The following DAB1 variants were observed in gnomAD, a reference collection of about 807,000 sequenced individuals.
DAB1 encodes the protein DAB adaptor protein 1, also known as disabled homolog 1.
In DAB1, 15 loss-of-function variants were observed where a neutral mutation model predicts 64.6. The ratio of observed to expected loss-of-function variants is 0.23; its 90% CI spans 0.16 to 0.36. DAB1 has a LOEUF of 0.36. DAB1 is among the 10% of genes least tolerant of loss of function. DAB1 has a pLI of 1.00. For synonymous variants in DAB1, 235 were observed against 251.9 expected (o/e 0.93, Z 0.64); for missense variants, 596 against 706.7 (o/e 0.84, Z 1.78).
At chr1:57,998,951 C>A (rs149631806) in intron 5 of DAB1, among the ~76,000 whole-genome samples, 2 of 152,274 alleles carry the variant, frequency 1.3e-5, no homozygotes, top group African/African-American at 4.8e-5. Context: ...CATTTATCTT[C>A]CTGCAGGGAA....
chr1:57,595,191 TTTTTTAGAATTATTTAGAATAATTA>T lies in DAB1; in HGVS notation n.625+54376_625+54400del, dbSNP rs556527233. The stretch of plus-strand genomic sequence containing the variant: ...ACCCACTTCCATTAATTATTTTAGA[TTTTTTAGAATTATTTAGAATAATTA>T]TTTAGATTCTAAAATTTTTTTTAGA... On this transcript the variant is annotated intron_variant and non_coding_transcript_variant, in intron 7 of 20. Coordinates refer to the DAB1 transcript ENST00000485760. Among the ~76,000 whole-genome samples, 1,055 of 152,094 alleles carry T rather than the reference TTTTTTAGAATTATTTAGAATAATTA, an allele frequency of 6.9e-3. 11 individuals are homozygous for T. The highest frequency in any genetic ancestry group is 0.024 in the African/African-American group (1,013 of 41,542).
At chr1:58,135,279 TG>T (rs1335935445) in intron 5 of DAB1, among the ~76,000 whole-genome samples, 1 of 152,118 alleles carries the variant, frequency 6.6e-6, no homozygotes, top group Non-Finnish European at 1.5e-5. Flanking sequence ...AGCCTCCTTC[TG>T]AGAGGTGTCT....
chr1:58,421,174 C>A (rs1021562952), intron 3 of DAB1, among the ~76,000 whole-genome samples: 1 of 152,172 alleles, frequency 6.6e-6, no homozygotes. Flanking sequence ...TGTCTATTAT[C>A]ACCATCATCG....
chr1:58,305,193 A>G (rs1336729265), intron 4 of DAB1, among the ~76,000 whole-genome samples: 1 of 152,168 alleles, frequency 6.6e-6, no homozygotes, highest in African/African-American at 2.4e-5. Context: ...CAGCCTCCCA[A>G]GTAGCTGGGA....
chr1:57,498,051 G>A (rs1644249866), intron 7 of DAB1, among the ~76,000 whole-genome samples: 1 of 152,158 alleles, frequency 6.6e-6, no homozygotes, highest in Admixed American at 6.5e-5. Flanking sequence ...ATGGATCAAG[G>A]TGCTCTTAGA....
chr1:58,416,425 A>T (rs141505302), intron 3 of DAB1, among the ~76,000 whole-genome samples: 13 of 152,166 alleles, frequency 8.5e-5, no homozygotes, highest in Non-Finnish European at 1.6e-4. Flanking sequence ...CTTCTCTTAT[A>T]GTTGGAAGGC....
At chr1:57,383,444 T>C (rs973170342) in intron 1 of DAB1, among the ~76,000 whole-genome samples, 1 of 152,170 alleles carries the variant, frequency 6.6e-6, no homozygotes, top group African/African-American at 2.4e-5. Flanking sequence ...GTCATTTTCC[T>C]TCTTTGAACC....
chr1:57,105,468 C>T (rs375840247), intron 4 of DAB1, among the ~76,000 whole-genome samples: 2 of 152,160 alleles, frequency 1.3e-5, no homozygotes, highest in South Asian at 2.1e-4. Flanking sequence ...CAGCCGCAGT[C>T]GCCCTTAGTA....
intron 3 of DAB1, among the ~76,000 whole-genome samples, chr1:58,464,625 T>C (rs1292437854): frequency 1.3e-5 from 2 of 152,206 alleles, no homozygotes; most frequent in East Asian, 3.8e-4. Context: ...CTATCGGATA[T>C]AGCATCAATA....
chr1:58,331,205 G>A (rs1662960837), intron 4 of DAB1, among the ~76,000 whole-genome samples: 1 of 152,190 alleles, frequency 6.6e-6, no homozygotes, highest in South Asian at 2.1e-4. Flanking sequence ...ATGGAGGAAA[G>A]AGCTGCAGAT....
At chr1:57,870,945 T>C (rs570930978) in intron 1 of DAB1, among the ~76,000 whole-genome samples, 1 of 152,296 alleles carries the variant, frequency 6.6e-6, no homozygotes, top group East Asian at 1.9e-4. Context: ...AAGCAGACTC[T>C]CATGATATTT....
intron 2 of DAB1, among the ~76,000 whole-genome samples, chr1:57,187,609 C>A (rs1387242740): frequency 6.6e-6 from 1 of 152,160 alleles, no homozygotes; most frequent in Non-Finnish European, 1.5e-5. Flanking sequence ...CTATCTTGTT[C>A]TTTGACGTTT....
chr1:58,446,073 G>A (rs1042673198), intron 3 of DAB1, among the ~76,000 whole-genome samples: 1 of 152,092 alleles, frequency 6.6e-6, no homozygotes, highest in Non-Finnish European at 1.5e-5. Flanking sequence ...TGGCTTCCCT[G>A]GTTACCCCTA....
At chr1:58,173,341 C>T (rs538325309) in intron 4 of DAB1, among the ~76,000 whole-genome samples, 1 of 152,288 alleles carries the variant, frequency 6.6e-6, no homozygotes, top group Admixed American at 6.5e-5. Context: ...CCAAACAGCT[C>T]CATTCAGATG....
intron 6 of DAB1, among the ~76,000 whole-genome samples, chr1:57,712,413 C>T (rs941056934): frequency 9.2e-5 from 14 of 152,144 alleles, no homozygotes; most frequent in Non-Finnish European, 1.3e-4. Flanking sequence ...CAGTTAAAAT[C>T]GTTTAGAGAT....
intron 5 of DAB1, among the ~76,000 whole-genome samples, chr1:58,050,868 G>A (rs1046714271): frequency 1.3e-5 from 2 of 152,054 alleles, no homozygotes; most frequent in African/African-American, 4.8e-5. Flanking sequence ...GTGGCACATG[G>A]CTGATAGATT....
At chr1:57,556,253 C>G (rs1644986835) in intron 7 of DAB1, among the ~76,000 whole-genome samples, 1 of 152,060 alleles carries the variant, frequency 6.6e-6, no homozygotes, top group African/African-American at 2.4e-5. Flanking sequence ...GTAGAAGTAT[C>G]TTTTTCGTAT....
intron 1 of DAB1, among the ~76,000 whole-genome samples, chr1:57,300,980 G>A (rs1002049254): frequency 6.6e-5 from 10 of 151,810 alleles, no homozygotes; most frequent in African/African-American, 9.7e-5. Flanking sequence ...TGCTTGTCCA[G>A]GAATCACCCA....
chr1:58,181,739 TGTTATTATA>T lies in DAB1; in HGVS notation n.310-31160_310-31152del. On this transcript the variant is annotated intron_variant and non_coding_transcript_variant, in intron 4 of 20. Coordinates refer to the DAB1 transcript ENST00000485760. ...TCTCCATTTTCTTTCTCCTTCTTTG[TGTTATTATA>T]GTCATATACATCATTATATGTTATA... Among the ~76,000 whole-genome samples the T allele has an allele frequency of 2.0e-5, 3 of 152,222 alleles. No individual in the cohort carries two copies. In the South Asian group the frequency reaches 6.2e-4, roughly 32 times the overall value.
Sources: gnomAD v4.1 joint callset for allele counts (sites outside exome capture counted in the v4.1 genomes callset) on GRCh38, gnomAD v4.1.1 for gene constraint, MANE v1.5 for transcripts, NCBI Gene and HGNC (gene_info 2026-07-23, HGNC 2026-07-21) for gene names.